NEXMIF: variants seen among roughly 807,000 people sequenced by gnomAD.
NEXMIF encodes XLMR protein related to neurite extension.
A neutral mutation model predicts 62.1 loss-of-function variants in NEXMIF; 8 were observed. The observed-to-expected ratio is 0.13, with a 90% CI of 0.08 to 0.23. The LOEUF (loss-of-function observed/expected upper bound fraction) is 0.23, where lower values mean the gene tolerates loss of function less well. Ranked by LOEUF, NEXMIF falls within the 10% of genes least tolerant of loss-of-function variation. NEXMIF has a pLI of 1.00. For missense variants in NEXMIF, 976 were observed against 1,113.3 expected, an observed-to-expected ratio of 0.88 and a Z score of 1.75; for synonymous variants, 404 against 416.6, an observed-to-expected ratio of 0.97 and a Z score of 0.37.
intron 1 of NEXMIF, among the ~76,000 whole-genome samples, chrX:74,910,041 C>T (rs989248538): frequency 1.8e-5 from 2 of 112,607 alleles, no homozygotes; most frequent in African/African-American, 6.4e-5. Context: ...TCTGCTAGGG[C>T]AGTGCAGAAG....
At chrX:74,791,423 G>T (rs373537519) in intron 1 of NEXMIF, among the ~76,000 whole-genome samples, 14 of 111,134 alleles carry the variant, frequency 1.3e-4, no homozygotes, top group Non-Finnish European at 2.1e-4. Context: ...ATCAAGGATA[G>T]TGGTCTAAAA....
chrX:74,806,723 T>C (rs1487474312), intron 1 of NEXMIF, among the ~76,000 whole-genome samples: 1 of 112,869 alleles, frequency 8.9e-6, no homozygotes, highest in African/African-American at 3.2e-5. Context: ...TCTATGATAC[T>C]TTTTATGTTA....
At chrX:74,786,632 C>A (rs2080260956) in intron 1 of NEXMIF, among the ~76,000 whole-genome samples, 1 of 111,723 alleles carries the variant, frequency 9.0e-6, no homozygotes, top group Non-Finnish European at 1.9e-5. Context: ...CATTCCCCCA[C>A]ACACAATCAC....
At chrX:74,830,738 T>A (rs2080433367) in intron 1 of NEXMIF, among the ~76,000 whole-genome samples, 1 of 112,037 alleles carries the variant, frequency 8.9e-6, no homozygotes, top group African/African-American at 3.2e-5. Flanking sequence ...TCATCAGCAT[T>A]TTGTACTTTT....
chrX:74,752,170 TA>T (rs2080146445), intron 1 of NEXMIF, among the ~76,000 whole-genome samples: 1 of 111,828 alleles, frequency 8.9e-6, no homozygotes, highest in African/African-American at 3.3e-5. Context: ...CATGCAAGAA[TA>T]AATTCTGATT....
At chrX:74,895,429 T>C (rs908697020) in intron 1 of NEXMIF, among the ~76,000 whole-genome samples, 2 of 111,769 alleles carry the variant, frequency 1.8e-5, no homozygotes, top group Non-Finnish European at 3.8e-5. Flanking sequence ...AAAATATCAA[T>C]GACATTATTC....
At chrX:74,892,409 C>T (rs2080720693) in intron 1 of NEXMIF, among the ~76,000 whole-genome samples, 1 of 111,771 alleles carries the variant, frequency 8.9e-6, no homozygotes, top group Non-Finnish European at 1.9e-5. Flanking sequence ...GTGCTCAGGT[C>T]ACTTTACAGA....
chrX:74,838,698 G>A, intron 1 of NEXMIF, among the ~76,000 whole-genome samples: 1 of 111,754 alleles, frequency 8.9e-6, no homozygotes, highest in East Asian at 2.8e-4. Context: ...TTAAGGCTCT[G>A]CTTTAACCAC....
chrX:74,919,703 C>A (rs369567429), intron 1 of NEXMIF, among the ~76,000 whole-genome samples: 1 of 110,408 alleles, frequency 9.1e-6, no homozygotes, highest in Non-Finnish European at 1.9e-5. Flanking sequence ...TATACATGTG[C>A]CATGCTGGTG....
At chrX:74,760,198 T>C (rs1342667956) in intron 1 of NEXMIF, among the ~76,000 whole-genome samples, 1 of 111,946 alleles carries the variant, frequency 8.9e-6, no homozygotes. Context: ...GCTTGGATGT[T>C]GTTAGCATAT....
chrX:74,855,967 A>G (rs1263109538), intron 1 of NEXMIF, among the ~76,000 whole-genome samples: 2 of 112,391 alleles, frequency 1.8e-5, no homozygotes, highest in African/African-American at 6.5e-5. Flanking sequence ...TGATTTGCAG[A>G]TATGCTACAT....
intron 1 of NEXMIF, among the ~76,000 whole-genome samples, chrX:74,833,622 T>C (rs2080446270): frequency 9.0e-6 from 1 of 111,651 alleles, no homozygotes; most frequent in African/African-American, 3.3e-5. Flanking sequence ...CATTTGTTTC[T>C]TGATTTCCAG....
chrX:74,907,613 A>G (rs1439511367), intron 1 of NEXMIF, among the ~76,000 whole-genome samples: 1 of 111,079 alleles, frequency 9.0e-6, no homozygotes, highest in East Asian at 2.8e-4. Context: ...GAGAGAGAAA[A>G]GCTTGTCCTA....
chrX:74,832,417 C>A (rs992800492), intron 1 of NEXMIF, among the ~76,000 whole-genome samples: 2 of 111,316 alleles, frequency 1.8e-5, no homozygotes, highest in African/African-American at 6.5e-5. Context: ...CACTGGTGAT[C>A]CTTTACATTC....
At chrX:74,850,345 C>T (rs1363537892) in intron 1 of NEXMIF, among the ~76,000 whole-genome samples, 2 of 112,202 alleles carry the variant, frequency 1.8e-5, no homozygotes, top group Non-Finnish European at 3.8e-5. Context: ...CTTTCCAAGC[C>T]CACTGCCCAG....
intron 3 of NEXMIF, 41 bp downstream of exon 3, chrX:74,740,059 G>A: frequency 8.6e-7 from 1 of 1,158,330 alleles, no homozygotes; most frequent in Non-Finnish European, 1.2e-6. Context: ...TAGTAGGAGA[G>A]CTAAGGGTGC....
At chrX:74,917,924 C>T (rs2080813451) in intron 1 of NEXMIF, among the ~76,000 whole-genome samples, 1 of 111,491 alleles carries the variant, frequency 9.0e-6, no homozygotes, top group Middle Eastern at 4.7e-3. Flanking sequence ...CTAGTCTTGA[C>T]GTTTTTGGTG....
chrX:74,880,753 C>T (rs983707269), intron 1 of NEXMIF, among the ~76,000 whole-genome samples: 1 of 111,655 alleles, frequency 9.0e-6, no homozygotes, highest in Admixed American at 9.5e-5. Context: ...GAATTGGAGC[C>T]AAAATACAAA....
Position 74,854,319 on chromosome X carries a change from C to A in NEXMIF, c.-48+70564G>T, listed in dbSNP as rs1281182138. ...TACATCAAATCAACAGAATGACGGA[C>A]AACAATAATATGATAATCTCAATAG... On this transcript the variant is annotated intron_variant, in intron 1 of 3. Transcript: ENST00000055682. Among the ~76,000 whole-genome samples, 5 of 111,962 alleles carry A rather than the reference C, an allele frequency of 4.5e-5. No individual in the cohort carries two copies. In the East Asian group the frequency reaches 1.4e-3, roughly 31 times the overall value.
Sources: gnomAD v4.1 joint callset for allele counts (sites outside exome capture counted in the v4.1 genomes callset) on GRCh38, gnomAD v4.1.1 for gene constraint, MANE v1.5 for transcripts, NCBI Gene and HGNC (gene_info 2026-07-23, HGNC 2026-07-21) for gene names.